Variants in PCDHGB1 observed in about 807,000 individuals in gnomAD.
PCDHGB1 encodes the protein protocadherin gamma-B1.
Under a neutral mutation model 56.6 loss-of-function variants are expected in PCDHGB1, and 34 were observed. That is an observed-to-expected ratio of 0.60 (90% confidence interval 0.46 to 0.80). The LOEUF (loss-of-function observed/expected upper bound fraction) is 0.80. Among genes scored for constraint, PCDHGB1 ranks in the 30% least tolerant of loss-of-function variants. The pLI, the probability that PCDHGB1 is intolerant of heterozygous loss-of-function variation, is 0.00. For missense variants in PCDHGB1, 1,278 were observed against 1,204.6 expected, an observed-to-expected ratio of 1.06 and a Z score of -0.90; for synonymous variants, 561 against 505.9, an observed-to-expected ratio of 1.11 and a Z score of -1.46.
chr5:141,428,077 A>G (rs2097107152), intron 1 of PCDHGB1: 4 of 1,609,206 alleles, frequency 2.5e-6, no homozygotes, highest in South Asian at 1.1e-5. Flanking sequence ...GATTCGGGAC[A>G]CAACGCTTGG....
intron 1 of PCDHGB1, chr5:141,399,615 A>G (rs756068630): frequency 1.2e-6 from 2 of 1,613,942 alleles, no homozygotes; most frequent in South Asian, 1.1e-5. Context: ...AGCCTCTGGC[A>G]CTGGCCTCTT....
intron 1 of PCDHGB1, chr5:141,371,489 C>A (rs548103153): frequency 6.2e-6 from 10 of 1,613,918 alleles, no homozygotes; most frequent in Non-Finnish European, 8.5e-6. Flanking sequence ...TGGGGACTGC[C>A]GTTGCCCTGA....
chr5:141,419,454 T>A (rs1191326733), intron 1 of PCDHGB1: 1 of 1,612,786 alleles, frequency 6.2e-7, no homozygotes, highest in Non-Finnish European at 8.5e-7. Flanking sequence ...GAGCTCACGC[T>A]GCAGGCCCGC....
At position 141,477,068 on chromosome 5, in the gene PCDHGB1, C is replaced by A; in HGVS notation, c.2410-17739C>A. 6.2e-7 allele frequency: 1 copy of A among 1,614,268 alleles called. No homozygotes were observed. The highest frequency in any genetic ancestry group is 8.5e-7 in the Non-Finnish European group (1 of 1,180,046). On this transcript the variant is annotated intron_variant, in intron 1 of 3. Transcript: ENST00000523390. This position sits in a 1 kb window ranked among gnomAD's most constrained non-coding sequence, Gnocchi z 4.9. ...GCTGGACTTCGAGGACACCAAACTCCATGAGATTTACATCCAGGCCAAAGA... is the reference window on the plus strand; with the variant it reads ...GCTGGACTTCGAGGACACCAAACTCAATGAGATTTACATCCAGGCCAAAGA...
chr5:141,383,849 T>C (rs757932608), intron 1 of PCDHGB1: 9 of 1,613,952 alleles, frequency 5.6e-6, no homozygotes, highest in South Asian at 4.4e-5. Flanking sequence ...TTCTATGAAA[T>C]GGAGGTTCAG....
At chr5:141,386,621 G>T (rs780529864) in intron 1 of PCDHGB1, among the ~76,000 whole-genome samples, 1 of 151,474 alleles carries the variant, frequency 6.6e-6, no homozygotes, top group Non-Finnish European at 1.5e-5. Flanking sequence ...ATGGAGTCTC[G>T]CTCTGTCACC....
Position 141,372,133 on chromosome 5 carries a change from G to A in PCDHGB1, c.2409+19464G>A, listed in dbSNP as rs576893125. Reference sequence around the variant, plus strand: ...TCTGCGCTCTTCGATATGGTGCCGCGCTCTGCAGAGCCTGGCTACCTGGTG... The same window carrying A: ...TCTGCGCTCTTCGATATGGTGCCGCACTCTGCAGAGCCTGGCTACCTGGTG... On this transcript the variant is annotated intron_variant, in intron 1 of 3. Coordinates refer to ENST00000523390, the MANE Select transcript of PCDHGB1 (RefSeq NM_018922.3). 1.4e-5 allele frequency: 23 copies of A among 1,613,666 alleles called. No individual in the cohort carries two copies. The East Asian group carries it at 5.1e-4, about 36-fold the overall frequency.
chr5:141,470,986 G>T (rs1215610104), intron 1 of PCDHGB1, among the ~76,000 whole-genome samples: 1 of 151,540 alleles, frequency 6.6e-6, no homozygotes, highest in Non-Finnish European at 1.5e-5. Flanking sequence ...CAAAGTGCTG[G>T]GACTACAGGC....
In PCDHGB1 at chr5:141,489,129, T is replaced by G; in HGVS notation, c.2410-5678T>G. On this transcript the variant is annotated intron_variant, in intron 1 of 3. Coordinates refer to ENST00000523390, the MANE Select transcript of PCDHGB1 (RefSeq NM_018922.3). This position sits in a 1 kb window ranked among gnomAD's most constrained non-coding sequence, Gnocchi z 4.5. ...AAGCAGGCAAACCTCCGAGCAGTTT[T>G]TAAGAGGCTGGAAGGAGACATAAGA... 1 of 761,976 alleles carries G rather than the reference T, an allele frequency of 1.3e-6. No homozygotes were observed. The highest frequency in any genetic ancestry group is 2.0e-6 in the Non-Finnish European group (1 of 490,014). The allele number at this position is 761,976 out of a possible 1,614,324, so 47.2% of individuals were successfully genotyped here.
At chr5:141,389,578 TG>T (rs1314978831) in intron 1 of PCDHGB1, 1 of 1,613,236 alleles carries the variant, frequency 6.2e-7, no homozygotes, top group South Asian at 1.1e-5. Context: ...TACCCCGCGC[TG>T]GGTCCCGACG....
intron 1 of PCDHGB1, among the ~76,000 whole-genome samples, chr5:141,450,038 A>G (rs2098666630): frequency 8.1e-6 from 1 of 124,190 alleles, no homozygotes; most frequent in African/African-American, 3.3e-5. Context: ...ACAGGGTCTC[A>G]CTCTTTCGCC....
chr5:141,457,337 TTAC>T (rs1446765287), intron 1 of PCDHGB1, among the ~76,000 whole-genome samples: 2 of 152,202 alleles, frequency 1.3e-5, no homozygotes, highest in Non-Finnish European at 2.9e-5. Flanking sequence ...GGTACCTTAC[TTAC>T]TTTCATTACC....
chr5:141,372,431 C>T (rs1389799630), intron 1 of PCDHGB1: 1 of 1,614,052 alleles, frequency 6.2e-7, no homozygotes, highest in East Asian at 2.2e-5. Context: ...GCGACCGCCC[C>T]ACTCCCTCTG....
At chr5:141,478,452 C>T (rs763187393) in intron 1 of PCDHGB1, 1 of 1,613,598 alleles carries the variant, frequency 6.2e-7, no homozygotes, top group Admixed American at 1.7e-5. Context: ...CCTGGTGCAG[C>T]CAGTCCACTG....
At chr5:141,443,820 T>A (rs1329478151) in intron 1 of PCDHGB1, among the ~76,000 whole-genome samples, 1 of 151,986 alleles carries the variant, frequency 6.6e-6, no homozygotes, top group Non-Finnish European at 1.5e-5. Context: ...TTGGAAAACA[T>A]AATTAGGTAA....
intron 1 of PCDHGB1, chr5:141,376,411 C>G (rs904052827): frequency 4.3e-6 from 7 of 1,614,180 alleles, no homozygotes; most frequent in South Asian, 3.3e-5. Flanking sequence ...CCAACTATGC[C>G]GACACGCTTA....
chr5:141,433,079 A>C, intron 1 of PCDHGB1: 1 of 1,614,208 alleles, frequency 6.2e-7, no homozygotes, highest in South Asian at 1.1e-5. Flanking sequence ...CCCCCAGCCC[A>C]ACTATGCAGA....
chr5:141,400,700 AAAG>A (rs1199384329), intron 1 of PCDHGB1: 5 of 728,844 alleles, frequency 6.9e-6, no homozygotes, highest in Non-Finnish European at 1.1e-5. Flanking sequence ...ATGTCGCATA[AAAG>A]AAGTAGCCTT....
intron 1 of PCDHGB1, chr5:141,408,023 A>G (rs2095028170): frequency 1.9e-6 from 2 of 1,054,662 alleles, no homozygotes; most frequent in Middle Eastern, 3.2e-4. Context: ...CCAACAACAG[A>G]AAGAAGAAAA....
Sources: gnomAD v4.1 joint callset for allele counts (sites outside exome capture counted in the v4.1 genomes callset) on GRCh38, gnomAD v4.1.1 for gene constraint, Gnocchi (gnomAD v3.1) non-coding constraint, MANE v1.5 for transcripts, NCBI Gene and HGNC (gene_info 2026-07-23, HGNC 2026-07-21) for gene names.